The following NPAS3 variants were observed in gnomAD, a reference collection of about 807,000 sequenced individuals.
The protein encoded by NPAS3 is neuronal PAS domain-containing protein 3.
In NPAS3, 14 loss-of-function variants were observed where a neutral mutation model predicts 73.1. The ratio of observed to expected loss-of-function variants is 0.19; its 90% CI spans 0.13 to 0.30. NPAS3 has a LOEUF of 0.30. NPAS3 is among the 10% of genes least tolerant of loss of function. NPAS3 has a pLI of 1.00. For missense variants in NPAS3, 1,096 were observed against 1,250.0 expected, an observed-to-expected ratio of 0.88 and a Z score of 1.86; for synonymous variants, 620 against 541.5, an observed-to-expected ratio of 1.14 and a Z score of -2.01.
intron 4 of NPAS3, among the ~76,000 whole-genome samples, chr14:33,455,415 G>T (rs2049981026): frequency 6.6e-6 from 1 of 152,152 alleles, no homozygotes; most frequent in Non-Finnish European, 1.5e-5. Context: ...TCCTTGCTTT[G>T]CAGAGCACTC....
At chr14:33,592,989 C>T (rs1287672893) in intron 5 of NPAS3, among the ~76,000 whole-genome samples, 2 of 152,064 alleles carry the variant, frequency 1.3e-5, no homozygotes, top group African/African-American at 4.8e-5. Flanking sequence ...TCCTGCAATG[C>T]TTCAGACACA....
intron 5 of NPAS3, among the ~76,000 whole-genome samples, chr14:33,587,670 G>C (rs984608325): frequency 6.6e-6 from 1 of 152,104 alleles, no homozygotes; most frequent in African/African-American, 2.4e-5. Flanking sequence ...TCTTCTTAAA[G>C]CTCTGATTTC....
At position 33,308,527 on chromosome 14, in the gene NPAS3, T is replaced by TATACACACACACACAC; in HGVS notation, c.386-58658_386-58657insTACACACACACACACA. Among the ~76,000 whole-genome samples the TATACACACACACACAC allele has an allele frequency of 1.4e-3, 146 of 103,726 alleles. 4 individuals carry two copies. Among genetic ancestry groups the TATACACACACACACAC allele is most frequent in the Admixed American group, 7.1e-3 (75 of 10,552 alleles). 68.0% of individuals were successfully genotyped at this position (103,726 alleles called of 152,430 possible). ...TGCATAGTTTATATATATATATATA[T>TATACACACACACACAC]ACATACACACACACACACACACACA... On this transcript the variant is annotated intron_variant, in intron 3 of 11. Coordinates refer to ENST00000356141, the Ensembl canonical transcript of NPAS3.
chr14:33,603,394 G>C lies in NPAS3; in HGVS notation c.558+43184G>C, dbSNP rs147056187. Among the ~76,000 whole-genome samples the C allele has an allele frequency of 2.0e-4, 30 of 152,288 alleles. 1 individual carries two copies. The highest frequency in any genetic ancestry group is 7.2e-4 in the African/African-American group (30 of 41,560). ...AATATCCGTGTAAGTCCCTAAAGGA[G>C]ATGGGAGAATGCAAAAAATATTTGA... On this transcript the variant is annotated intron_variant, in intron 5 of 11. Transcript: ENST00000356141.
intron 3 of NPAS3, among the ~76,000 whole-genome samples, chr14:33,283,890 T>G (rs2041739514): frequency 6.6e-6 from 1 of 152,168 alleles, no homozygotes; most frequent in African/African-American, 2.4e-5. Flanking sequence ...CTAGTGTGTC[T>G]TTAAGTCATG....
At chr14:33,303,931 G>A (rs1053310735) in intron 3 of NPAS3, among the ~76,000 whole-genome samples, 2 of 148,984 alleles carry the variant, frequency 1.3e-5, no homozygotes, top group Middle Eastern at 3.2e-3. Context: ...GTTTTGAGAC[G>A]GAGTCTCGCT....
intron 5 of NPAS3, among the ~76,000 whole-genome samples, chr14:33,635,975 G>T (rs1368380644): frequency 6.6e-6 from 1 of 152,030 alleles, no homozygotes; most frequent in Non-Finnish European, 1.5e-5. Context: ...ACGGAGTTTT[G>T]CTCTTGTTGC....
intron 9 of NPAS3, among the ~76,000 whole-genome samples, chr14:33,782,153 A>T (rs1362020660): frequency 1.3e-5 from 2 of 152,224 alleles, no homozygotes; most frequent in Non-Finnish European, 2.9e-5. Context: ...CAATTTCACC[A>T]ATTATTCAGG....
intron 4 of NPAS3, among the ~76,000 whole-genome samples, chr14:33,511,803 GA>G (rs1489883423): frequency 1.3e-5 from 2 of 152,042 alleles, no homozygotes; most frequent in Non-Finnish European, 2.9e-5. Context: ...TTTTCCATGG[GA>G]CATTTACTAT....
chr14:33,643,586 T>C (rs1240369394), intron 5 of NPAS3, among the ~76,000 whole-genome samples: 1 of 152,116 alleles, frequency 6.6e-6, no homozygotes, highest in Non-Finnish European at 1.5e-5. Context: ...TGTCACTGGT[T>C]CTGAAGGTTG....
chr14:32,946,144 G>C (rs550039121), intron 1 of NPAS3, among the ~76,000 whole-genome samples: 2 of 152,274 alleles, frequency 1.3e-5, no homozygotes, highest in Admixed American at 1.3e-4. Flanking sequence ...ATTTGTACAA[G>C]TTGGCCTCCT....
chr14:33,775,296 T>C (rs1392080816), intron 8 of NPAS3, among the ~76,000 whole-genome samples: 1 of 152,116 alleles, frequency 6.6e-6, no homozygotes, highest in Non-Finnish European at 1.5e-5. Flanking sequence ...ACATACCAGG[T>C]GTGGGAAGGA....
intron 2 of NPAS3, among the ~76,000 whole-genome samples, chr14:33,197,267 G>GTGTGTGTGTGTGTGT (rs1555353807): frequency 1.3e-5 from 2 of 148,834 alleles, no homozygotes; most frequent in South Asian, 2.1e-4. Flanking sequence ...GTGTGTGTGT[G>GTGTGTGTGTGTGTGT]TTCTTTTTCA....
At chr14:33,585,374 T>C (rs1404292319) in intron 5 of NPAS3, among the ~76,000 whole-genome samples, 1 of 152,190 alleles carries the variant, frequency 6.6e-6, no homozygotes, top group East Asian at 1.9e-4. Flanking sequence ...GACAATGCTA[T>C]AGACCAGCAG....
chr14:33,215,124 TTGAA>T lies in NPAS3; in HGVS notation c.141-54_141-51del, dbSNP rs1446184465. 11 of 1,547,782 alleles carry T rather than the reference TTGAA, an allele frequency of 7.1e-6. No individual in the cohort carries two copies. The South Asian group carries it at 1.1e-4, about 15-fold the overall frequency. On this transcript the variant is annotated intron_variant, in intron 2 of 11. Coordinates refer to ENST00000356141, the Ensembl canonical transcript of NPAS3. ...AAAGGAAATACAAAGAAAGCAGTAT[TTGAA>T]TGATGACAGAGTCACATATTCTAAA...
At chr14:33,028,978 T>C (rs930330185) in intron 1 of NPAS3, among the ~76,000 whole-genome samples, 1 of 151,728 alleles carries the variant, frequency 6.6e-6, no homozygotes, top group African/African-American at 2.4e-5. Context: ...ATGCTCTCCT[T>C]CCCCCCCGCC....
chr14:33,797,308 C>T, intron 10 of NPAS3, 149 bp from the exon 11 acceptor site: 1 of 846,078 alleles, frequency 1.2e-6, no homozygotes, highest in Non-Finnish European at 1.8e-6. Flanking sequence ...CCATAAAATC[C>T]CATGAAGAGC....
chr14:33,700,022 C>G (rs1595463886), intron 6 of NPAS3, among the ~76,000 whole-genome samples: 1 of 152,266 alleles, frequency 6.6e-6, no homozygotes, highest in Middle Eastern at 3.4e-3. Context: ...ACCCCAGATG[C>G]AAACTTCATA....
chr14:33,546,501 G>C (rs2054851283), intron 4 of NPAS3, among the ~76,000 whole-genome samples: 1 of 152,174 alleles, frequency 6.6e-6, no homozygotes, highest in South Asian at 2.1e-4. Flanking sequence ...GTGTGTTCTA[G>C]TAAGCCAAAA....
Sources: allele counts gnomAD v4.1 joint callset (sites outside exome capture counted in the v4.1 genomes callset), GRCh38; gene constraint gnomAD v4.1.1; transcripts MANE v1.5; gene names NCBI Gene and HGNC (gene_info 2026-07-23, HGNC 2026-07-21).